The following PARVA variants were observed in gnomAD, a reference collection of about 807,000 sequenced individuals.
The protein encoded by PARVA is parvin alpha.
In PARVA, 25 loss-of-function variants were observed where a neutral mutation model predicts 52.6. The observed-to-expected ratio is 0.48, with a 90% CI of 0.35 to 0.66. The LOEUF (loss-of-function observed/expected upper bound fraction) is 0.66, where lower values mean the gene tolerates loss of function less well. Among genes scored for constraint, PARVA ranks in the 30% least tolerant of loss-of-function variants. The probability of loss-of-function intolerance (pLI) is 0.01; values close to 1 mark genes in which losing one functional copy is unlikely to be tolerated. For synonymous variants in PARVA, 185 were observed against 179.1 expected, an observed-to-expected ratio of 1.03 and a Z score of -0.26; for missense variants, 373 against 450.9, an observed-to-expected ratio of 0.83 and a Z score of 1.56.
At chr11:12,512,275 T>C (rs1339508065) in intron 8 of PARVA, among the ~76,000 whole-genome samples, 7 of 152,228 alleles carry the variant, frequency 4.6e-5, no homozygotes. Flanking sequence ...ACTCTGTCCT[T>C]CTAGAGACTG....
intron 1 of PARVA, among the ~76,000 whole-genome samples, chr11:12,469,935 C>T (rs893059545): frequency 1.3e-5 from 2 of 152,194 alleles, no homozygotes; most frequent in Non-Finnish European, 1.5e-5. Context: ...TCAAATATTG[C>T]GTTTCTAGTC....
In PARVA at chr11:12,504,414, A is replaced by G. The variant is rs778731820; in HGVS notation, c.642A>G (p.Gln214=). 26 of 1,611,546 alleles carry G rather than the reference A, an allele frequency of 1.6e-5. 1 individual carries two copies. In the South Asian group the frequency reaches 2.6e-4, roughly 16 times the overall value. Reference sequence around the variant, plus strand: ...GACTCCCAGACCATGTTTCCATCCAAGTGGTTGTGGTCCAGGTAAGACAGG... The same window carrying G: ...GACTCCCAGACCATGTTTCCATCCAGGTGGTTGTGGTCCAGGTAAGACAGG... ...PIRLPDHVSI[Q]VVVVQKREGI... is the part of the protein sequence containing the mutation. Residue 214 remains glutamine, a synonymous_variant, in exon 6 of 13, where the codon CAA becomes CAG. Transcript: ENST00000334956.
At chr11:12,471,374 A>T (rs190917228) in intron 1 of PARVA, among the ~76,000 whole-genome samples, 1 of 152,254 alleles carries the variant, frequency 6.6e-6, no homozygotes, top group East Asian at 1.9e-4. Context: ...TCTTTTAAAA[A>T]TTTTATTTTT....
chr11:12,452,314 C>G (rs949634690), intron 1 of PARVA, among the ~76,000 whole-genome samples: 1 of 152,172 alleles, frequency 6.6e-6, no homozygotes, highest in Non-Finnish European at 1.5e-5. Context: ...CACACTTGTG[C>G]TTAGAAAAGT....
chr11:12,501,019 A>C (rs1941356831), intron 5 of PARVA, among the ~76,000 whole-genome samples: 1 of 151,980 alleles, frequency 6.6e-6, no homozygotes. Context: ...GAGTCAGGAG[A>C]ATCACTTGAA....
At chr11:12,382,424 C>T (rs1160919158) in intron 1 of PARVA, among the ~76,000 whole-genome samples, 1 of 148,912 alleles carries the variant, frequency 6.7e-6, no homozygotes, top group African/African-American at 2.5e-5. Flanking sequence ...TGGTTCATCT[C>T]AAGGTTTTTC....
intron 1 of PARVA, among the ~76,000 whole-genome samples, chr11:12,409,362 T>C (rs1589946647): frequency 6.6e-6 from 1 of 152,172 alleles, no homozygotes; most frequent in African/African-American, 2.4e-5. Context: ...AGCCCGAAAG[T>C]GTCTATGTCC....
intron 1 of PARVA, among the ~76,000 whole-genome samples, chr11:12,419,799 T>C (rs553246635): frequency 6.6e-6 from 1 of 152,306 alleles, no homozygotes; most frequent in South Asian, 2.1e-4. Context: ...TTATTAATAG[T>C]AACCATCCTA....
chr11:12,527,980 C>T lies in PARVA; in HGVS notation c.*55C>T, dbSNP rs1355952201. On this transcript the variant is annotated 3_prime_UTR_variant, in exon 13 of 13. Transcript: ENST00000334956. Reference sequence around the variant, plus strand: ...GAGTTCTTGCTGTTGGCGTACTGGACCCTCCTCCGAACTGCCTTACCCTGC... The same window carrying T: ...GAGTTCTTGCTGTTGGCGTACTGGATCCTCCTCCGAACTGCCTTACCCTGC... 3.1e-6 allele frequency: 4 copies of T among 1,279,194 alleles called. No individual in the cohort carries two copies. The African/African-American group carries it at 5.9e-5, about 19-fold the overall frequency. 79.2% of individuals were successfully genotyped at this position (1,279,194 alleles called of 1,614,324 possible).
chr11:12,446,789 A>C, intron 1 of PARVA, among the ~76,000 whole-genome samples: 1 of 152,202 alleles, frequency 6.6e-6, no homozygotes, highest in East Asian at 1.9e-4. Flanking sequence ...CCTGTGGTAA[A>C]AGTGTATTCT....
At chr11:12,438,297 T>C (rs1195215251) in intron 1 of PARVA, among the ~76,000 whole-genome samples, 1 of 150,668 alleles carries the variant, frequency 6.6e-6, no homozygotes, top group Non-Finnish European at 1.5e-5. Flanking sequence ...CATAGACTGG[T>C]TTTTGGCTCA....
intron 1 of PARVA, among the ~76,000 whole-genome samples, chr11:12,445,671 T>C (rs367922289): frequency 1.7e-4 from 26 of 152,180 alleles, no homozygotes; most frequent in Non-Finnish European, 3.1e-4. Context: ...TTGGGTGACA[T>C]TGAACCTTAG....
At chr11:12,513,007 A>C in intron 8 of PARVA, 1 of 563,772 alleles carries the variant, frequency 1.8e-6, no homozygotes, top group Admixed American at 2.4e-5. Flanking sequence ...AATGGAATAC[A>C]ATGAAGGGAA....
intron 5 of PARVA, among the ~76,000 whole-genome samples, chr11:12,499,381 A>T (rs1941338851): frequency 6.6e-6 from 1 of 150,866 alleles, no homozygotes; most frequent in Non-Finnish European, 1.5e-5. Flanking sequence ...TGAGGGTGGT[A>T]GGGACAGGCT....
intron 1 of PARVA, among the ~76,000 whole-genome samples, chr11:12,454,780 T>G (rs1940674398): frequency 6.6e-6 from 1 of 152,188 alleles, no homozygotes; most frequent in Admixed American, 6.5e-5. Context: ...ACCAGATATA[T>G]CATTTTAGCA....
chr11:12,388,374 C>T (rs1468880911), intron 1 of PARVA, among the ~76,000 whole-genome samples: 2 of 152,212 alleles, frequency 1.3e-5, no homozygotes, highest in South Asian at 2.1e-4. Context: ...TAAACCGACA[C>T]GTGACCAGTG....
rs201000189 is a variant in PARVA at position 12,483,769 on chromosome 11, C to T, written c.400+5820C>T. On this transcript the variant is annotated intron_variant, in intron 4 of 12. Coordinates refer to ENST00000334956, the MANE Select transcript of PARVA (RefSeq NM_018222.5). ...TGTGGGGACACTGGCCACTTCTCTG[C>T]GCTGTTGATGTTGCTGCCAATAAAA... is the stretch of plus-strand genomic sequence containing the variant. Among the ~76,000 whole-genome samples, 20 of 152,166 alleles carry T rather than the reference C, an allele frequency of 1.3e-4. No homozygotes were observed. In the East Asian group the frequency reaches 2.9e-3, roughly 22 times the overall value.
At chr11:12,377,855 C>T in intron 1 of PARVA, 72 bp downstream of exon 1, 1 of 1,216,534 alleles carries the variant, frequency 8.2e-7, no homozygotes, top group Non-Finnish European at 1.1e-6. Flanking sequence ...GGCCGGGGCA[C>T]TGGGACCGGG....
At chr11:12,407,357 G>A (rs1467645488) in intron 1 of PARVA, among the ~76,000 whole-genome samples, 6 of 152,118 alleles carry the variant, frequency 3.9e-5, no homozygotes, top group Non-Finnish European at 8.8e-5. Context: ...TTCTACTGTA[G>A]GCATCATAGA....
Sources: allele counts gnomAD v4.1 joint callset (sites outside exome capture counted in the v4.1 genomes callset), GRCh38; gene constraint gnomAD v4.1.1; transcripts MANE v1.5; gene names NCBI Gene and HGNC (gene_info 2026-07-23, HGNC 2026-07-21).